The following GPR39 variants were observed in gnomAD, a reference collection of about 807,000 sequenced individuals.
The protein encoded by GPR39 is G protein-coupled receptor 39, also known as zinc sensing receptor.
A neutral mutation model predicts 18.4 loss-of-function variants in GPR39; 23 were observed. The observed-to-expected ratio is 1.25, with a 90% CI of 0.90 to 1.77. The LOEUF (loss-of-function observed/expected upper bound fraction) is 1.77. Among genes scored for constraint, GPR39 ranks in the 40% most tolerant of loss-of-function variants. GPR39 has a pLI of 0.00. For missense variants in GPR39, 647 were observed against 602.4 expected, an observed-to-expected ratio of 1.07 and a Z score of -0.78; for synonymous variants, 280 against 257.9, an observed-to-expected ratio of 1.09 and a Z score of -0.82.
At chr2:132,553,349 ATATATATATG>A (rs1475132449) in intron 1 of GPR39, among the ~76,000 whole-genome samples, 5 of 148,304 alleles carry the variant, frequency 3.4e-5, no homozygotes, top group African/African-American at 9.8e-5. Context: ...GTATATGTGT[ATATATATATG>A]TATATATGTA....
At chr2:132,600,324 C>T (rs1035055916) in intron 1 of GPR39, among the ~76,000 whole-genome samples, 4 of 152,052 alleles carry the variant, frequency 2.6e-5, no homozygotes, top group African/African-American at 9.7e-5. Context: ...AACAACCTAA[C>T]AATGCACCTC....
chr2:132,477,707 C>A (rs963993038), intron 1 of GPR39, among the ~76,000 whole-genome samples: 1 of 152,180 alleles, frequency 6.6e-6, no homozygotes, highest in Admixed American at 6.5e-5. Context: ...TCAACAGAGA[C>A]CATATGGCCT....
At chr2:132,596,735 A>G (rs1001936322) in intron 1 of GPR39, among the ~76,000 whole-genome samples, 4 of 152,174 alleles carry the variant, frequency 2.6e-5, no homozygotes, top group African/African-American at 9.7e-5. Context: ...TTGGAACATT[A>G]TATCACCCGA....
intron 1 of GPR39, among the ~76,000 whole-genome samples, chr2:132,576,731 C>T (rs528010102): frequency 1.3e-5 from 2 of 152,196 alleles, no homozygotes; most frequent in South Asian, 4.2e-4. Flanking sequence ...TAAAATTTTA[C>T]AGAAATTTAG....
intron 1 of GPR39, among the ~76,000 whole-genome samples, chr2:132,444,156 T>C (rs1365051500): frequency 2.0e-5 from 3 of 152,208 alleles, no homozygotes; most frequent in Non-Finnish European, 4.4e-5. Flanking sequence ...GCTTGGTTTG[T>C]AACTTTAAAA....
intron 1 of GPR39, among the ~76,000 whole-genome samples, chr2:132,499,820 T>TG (rs1335091141): frequency 3.9e-5 from 6 of 152,154 alleles, no homozygotes; most frequent in East Asian, 3.9e-4. Flanking sequence ...TGTATTGTAT[T>TG]TATTTATTTA....
chr2:132,542,949 C>A (rs971792911), intron 1 of GPR39, among the ~76,000 whole-genome samples: 2 of 152,166 alleles, frequency 1.3e-5, no homozygotes, highest in Non-Finnish European at 2.9e-5. Context: ...CCCATTCTTA[C>A]AAAGATGCTG....
At chr2:132,544,094 A>C (rs1318527608) in intron 1 of GPR39, among the ~76,000 whole-genome samples, 2 of 152,192 alleles carry the variant, frequency 1.3e-5, no homozygotes, top group South Asian at 2.1e-4. Flanking sequence ...AGTGGTCAGC[A>C]CTTTCCATCT....
At chr2:132,582,469 T>A (rs561493840) in intron 1 of GPR39, among the ~76,000 whole-genome samples, 4 of 152,216 alleles carry the variant, frequency 2.6e-5, no homozygotes, top group Admixed American at 2.6e-4. Context: ...GCCAGATGAG[T>A]GTTTGCTGGC....
chr2:132,508,462 C>T (rs1258985556), intron 1 of GPR39, among the ~76,000 whole-genome samples: 3 of 152,030 alleles, frequency 2.0e-5, no homozygotes, highest in Non-Finnish European at 4.4e-5. Flanking sequence ...GAAGGGCTGC[C>T]CTCCGAGAAT....
At chr2:132,512,256 C>T (rs951581017) in intron 1 of GPR39, among the ~76,000 whole-genome samples, 1 of 152,146 alleles carries the variant, frequency 6.6e-6, no homozygotes, top group Non-Finnish European at 1.5e-5. Flanking sequence ...GGTATTGAAG[C>T]ATTTGCTGGA....
chr2:132,422,130 G>C (rs1680023151), intron 1 of GPR39, among the ~76,000 whole-genome samples: 1 of 152,118 alleles, frequency 6.6e-6, no homozygotes, highest in African/African-American at 2.4e-5. Flanking sequence ...GATAACCTTT[G>C]TGTTTTATTT....
intron 1 of GPR39, among the ~76,000 whole-genome samples, chr2:132,632,829 T>G (rs1681674955): frequency 6.6e-6 from 1 of 152,178 alleles, no homozygotes; most frequent in Non-Finnish European, 1.5e-5. Flanking sequence ...ATGATTGGAT[T>G]GTCTAATAAG....
chr2:132,597,923 C>G (rs11887505), intron 1 of GPR39, among the ~76,000 whole-genome samples: 2,263 of 152,234 alleles, frequency 0.015, 69 homozygotes, highest in African/African-American at 0.051. Context: ...AGTCTAGTAC[C>G]CATGCATAGT....
intron 1 of GPR39, among the ~76,000 whole-genome samples, chr2:132,634,023 TTGG>T (rs1458083835): frequency 4.0e-5 from 6 of 150,548 alleles, no homozygotes; most frequent in South Asian, 2.1e-4. Context: ...AGTGTTGGTG[TTGG>T]TGGTAGGGGT....
At position 132,493,058 on chromosome 2, in the gene GPR39, TAC is replaced by T. The variant is rs1489968940; in HGVS notation, c.856+75163_856+75164del. ...ATATATATACCATATATACCATATA[TAC>T]ACCATATATATACCACATATATACC... On this transcript the variant is annotated intron_variant, in intron 1 of 1. Coordinates refer to ENST00000329321, the MANE Select transcript of GPR39 (RefSeq NM_001508.3). Among the ~76,000 whole-genome samples the T allele has an allele frequency of 1.8e-3, 159 of 90,154 alleles. 14 individuals are homozygous for T. Among genetic ancestry groups the T allele is most frequent in the African/African-American group, 4.9e-3 (127 of 25,748 alleles). 59.1% of individuals were successfully genotyped at this position (90,154 alleles called of 152,430 possible).
chr2:132,517,039 T>A (rs942113566), intron 1 of GPR39, among the ~76,000 whole-genome samples: 3 of 151,996 alleles, frequency 2.0e-5, no homozygotes, highest in African/African-American at 7.3e-5. Flanking sequence ...AACTGTATAA[T>A]AAGATAAAAT....
At chr2:132,596,341 C>G (rs1028643520) in intron 1 of GPR39, among the ~76,000 whole-genome samples, 1 of 151,900 alleles carries the variant, frequency 6.6e-6, no homozygotes, top group Admixed American at 6.5e-5. Flanking sequence ...TCCCCTTTTC[C>G]TTTTCTCTCT....
chr2:132,487,323 G>A lies in GPR39; in HGVS notation c.856+69425G>A, dbSNP rs568823571. 2.0e-3 allele frequency among the ~76,000 whole-genome samples: 307 copies of A among 152,346 alleles called. 1 individual carries two copies. Among genetic ancestry groups the A allele is most frequent in the Middle Eastern group, 3.4e-3 (1 of 294 alleles). ...TAGTACAGTGAGAATAACCAAAAAT[G>A]TGACACACAGCTGAAGTGAGCACAT... On this transcript the variant is annotated intron_variant, in intron 1 of 1. Coordinates refer to ENST00000329321, the MANE Select transcript of GPR39 (RefSeq NM_001508.3).
Sources: allele counts gnomAD v4.1 joint callset (sites outside exome capture counted in the v4.1 genomes callset), GRCh38; gene constraint gnomAD v4.1.1; transcripts MANE v1.5; gene names NCBI Gene and HGNC (gene_info 2026-07-23, HGNC 2026-07-21).